The following SHISAL2A variants were observed in gnomAD, a reference collection of about 807,000 sequenced individuals.
SHISAL2A encodes shisa like 2A.
A neutral mutation model predicts 11.5 loss-of-function variants in SHISAL2A; 18 were observed. The observed-to-expected ratio is 1.57, with a 90% CI of 1.08 to 2.33. The LOEUF is 2.33. SHISAL2A is among the 30% of genes most tolerant of loss of function. The pLI is 0.00. For synonymous variants in SHISAL2A, 94 were observed against 99.6 expected, an observed-to-expected ratio of 0.94 and a Z score of 0.34; for missense variants, 261 against 250.9, an observed-to-expected ratio of 1.04 and a Z score of -0.27.
At chr1:52,646,852 T>C (rs999760799) in intron 2 of SHISAL2A, among the ~76,000 whole-genome samples, 3 of 152,120 alleles carry the variant, frequency 2.0e-5, no homozygotes, top group African/African-American at 7.2e-5. Context: ...TTTTTTGAGA[T>C]GGAGTCTTGC....
At chr1:52,647,433 G>A (rs1010729576) in intron 2 of SHISAL2A, among the ~76,000 whole-genome samples, 1 of 152,114 alleles carries the variant, frequency 6.6e-6, no homozygotes, top group African/African-American at 2.4e-5. Context: ...AGGCAGTATT[G>A]ATATAAGTAC....
downstream of SHISAL2A, among the ~76,000 whole-genome samples, chr1:52,660,994 T>TGAGGAACAGCATTTAAGGCAG (rs1386673502): frequency 1.3e-5 from 2 of 152,154 alleles, no homozygotes; most frequent in African/African-American, 4.8e-5. Context: ...TGGTACAAGA[T>TGAGGAACAGCATTTAAGGCAG]GAGGAACAGC....
chr1:52,654,086 A>G (rs956823146), intron 2 of SHISAL2A, among the ~76,000 whole-genome samples: 18 of 151,824 alleles, frequency 1.2e-4, no homozygotes, highest in African/African-American at 2.2e-4. Flanking sequence ...TTAATTTTTT[A>G]TTTTTGTAGA....
chr1:52,636,867 CA>C (rs1691247351), intron 1 of SHISAL2A, among the ~76,000 whole-genome samples: 1 of 152,358 alleles, frequency 6.6e-6, no homozygotes, highest in South Asian at 2.1e-4. Flanking sequence ...TCTCTCTTAA[CA>C]ACCTGATCCA....
chr1:52,639,068 C>A (rs1691300046), intron 1 of SHISAL2A, among the ~76,000 whole-genome samples: 1 of 151,896 alleles, frequency 6.6e-6, no homozygotes, highest in Non-Finnish European at 1.5e-5. Flanking sequence ...AGCTACTCAA[C>A]AGGCTGAGGC....
chr1:52,640,243 G>A (rs184544959), intron 1 of SHISAL2A, among the ~76,000 whole-genome samples: 4 of 152,322 alleles, frequency 2.6e-5, no homozygotes, highest in South Asian at 2.1e-4. Flanking sequence ...AACAGGGAGC[G>A]AAATCCTGCA....
chr1:52,633,038 A>T (rs61780592), upstream of SHISAL2A, among the ~76,000 whole-genome samples: 22,520 of 151,644 alleles, frequency 0.15, 3,129 homozygotes, highest in East Asian at 0.35. This position sits in a 1 kb window ranked among gnomAD's most constrained non-coding sequence, Gnocchi z 6.4. Flanking sequence ...GGCTCGGTGC[A>T]GGTAAGGCGC....
chr1:52,647,280 C>A (rs932042079), intron 2 of SHISAL2A, among the ~76,000 whole-genome samples: 2 of 152,114 alleles, frequency 1.3e-5, no homozygotes, highest in East Asian at 3.8e-4. Flanking sequence ...GATCAGTTGA[C>A]AAAAATGTGA....
intron 2 of SHISAL2A, 57 bp from the exon 3 acceptor site, chr1:52,656,733 A>C: frequency 1.3e-6 from 2 of 1,544,052 alleles, no homozygotes; most frequent in Non-Finnish European, 1.8e-6. Context: ...TCAGCTGGGG[A>C]GTGTGATCCT....
Position 52,633,540 on chromosome 1 carries a change from T to C in SHISAL2A, c.47T>C (p.Val16Ala). 6.2e-7 allele frequency: 1 copy of C among 1,606,016 alleles called. No homozygotes were observed. Among genetic ancestry groups the C allele is most frequent in the Non-Finnish European group, 8.5e-7 (1 of 1,176,906 alleles). ...TSYVSAEQEV[V>A]RGFSCPRPGG... ...TACGTGAGCGCAGAGCAGGAGGTGG[T>C]GCGCGGCTTCAGCTGCCCGCGGCCG... Residue 16 changes from valine to alanine, a missense_variant, in exon 1 of 3, where the codon GTG becomes GCG. By Grantham distance (64) the Val-to-Ala change is moderately conservative. Transcript: ENST00000517870. The surrounding 1 kb of genome is among the most constrained non-coding windows in gnomAD (Gnocchi z 6.4).
In SHISAL2A at chr1:52,656,983, A is replaced by G; in HGVS notation, c.516A>G (p.Pro172=). The change falls in exon 3 of 3, where the codon CCA becomes CCG. Residue 172 remains proline, a synonymous_variant. Coordinates refer to ENST00000517870, the MANE Select transcript of SHISAL2A (RefSeq NM_001042693.3). Reference sequence around the variant, plus strand: ...CCACAGTGACCACCAGTGACATTCCAGGCAGCCCTGAGGAAGCCTCTGTAC... The same window carrying G: ...CCACAGTGACCACCAGTGACATTCCGGGCAGCCCTGAGGAAGCCTCTGTAC... ...FMATVTTSDI[P]GSPEEASVPN... 6.2e-7 allele frequency: 1 copy of G among 1,614,160 alleles called. No individual in the cohort carries two copies. The highest frequency in any genetic ancestry group is 8.5e-7 in the Non-Finnish European group (1 of 1,180,010).
At chr1:52,665,962 G>A (rs192681797) in intron 4 of SHISAL2A, among the ~76,000 whole-genome samples, 5 of 152,280 alleles carry the variant, frequency 3.3e-5, no homozygotes, top group East Asian at 3.9e-4. Context: ...CCAGAGCACC[G>A]GCCCTGGGCT....
At chr1:52,654,890 A>G (rs1458068938) in intron 2 of SHISAL2A, among the ~76,000 whole-genome samples, 2 of 152,242 alleles carry the variant, frequency 1.3e-5, no homozygotes, top group Non-Finnish European at 2.9e-5. Context: ...TTGACAAAAT[A>G]TATAAGGATT....
chr1:52,655,479 A>C (rs869202056), intron 2 of SHISAL2A, among the ~76,000 whole-genome samples: 1 of 129,556 alleles, frequency 7.7e-6, no homozygotes, highest in African/African-American at 2.9e-5. Context: ...AAAAAAAAAA[A>C]GGTGGATGTG....
chr1:52,642,902 T>A lies in SHISAL2A; in HGVS notation c.222T>A (p.Val74=). The A allele has an allele frequency of 1.9e-6, 3 of 1,613,912 alleles. No individual in the cohort carries two copies. The highest frequency in any genetic ancestry group is 2.5e-6 in the Non-Finnish European group (3 of 1,180,020). The change falls in exon 2 of 3, where the codon GTT becomes GTA. Residue 74 remains valine (V), a synonymous_variant. Coordinates refer to ENST00000517870, the MANE Select transcript of SHISAL2A (RefSeq NM_001042693.3). ...ALIGLSVAAV[V]LLAFIVTACV... ...TAGGCCTGTCCGTAGCAGCAGTGGT[T>A]CTTCTCGCCTTCATTGTTACCGCCT...
At chr1:52,640,176 A>G (rs1691330622) in intron 1 of SHISAL2A, 2 of 152,336 alleles carry the variant, frequency 1.3e-5, no homozygotes, top group South Asian at 4.1e-4. Context: ...TAGCCATGGG[A>G]AGGCAGACTC....
At chr1:52,652,102 G>T (rs1483641038) in intron 2 of SHISAL2A, among the ~76,000 whole-genome samples, 1 of 152,156 alleles carries the variant, frequency 6.6e-6, no homozygotes, top group Non-Finnish European at 1.5e-5. Context: ...ATGATCAGAG[G>T]CAGGTGACTA....
chr1:52,655,452 CAAAAAAAAAAAAAAAAA>C (rs11346128), intron 2 of SHISAL2A, among the ~76,000 whole-genome samples: 1 of 40,130 alleles, frequency 2.5e-5, no homozygotes, highest in Non-Finnish European at 4.5e-5. Flanking sequence ...CCTGTATCTA[CAAAAAAAAAAAAAAAAA>C]AAAAAAAAAA....
intron 2 of SHISAL2A, among the ~76,000 whole-genome samples, chr1:52,644,810 G>A (rs1035858802): frequency 1.3e-5 from 2 of 152,244 alleles, no homozygotes; most frequent in Admixed American, 6.5e-5. Context: ...AAGATCAGGA[G>A]ATCGAGACCA....
Sources: gnomAD v4.1 joint callset for allele counts (sites outside exome capture counted in the v4.1 genomes callset) on GRCh38, gnomAD v4.1.1 for gene constraint, Gnocchi (gnomAD v3.1) non-coding constraint, MANE v1.5 for transcripts, NCBI Gene and HGNC (gene_info 2026-07-23, HGNC 2026-07-21) for gene names.